The following GRID2 variants were observed in gnomAD, a reference collection of about 807,000 sequenced individuals.
GRID2 encodes the protein glutamate receptor ionotropic, delta-2.
Under a neutral mutation model 114.8 loss-of-function variants are expected in GRID2, and 33 were observed. The observed-to-expected ratio is 0.29, with a 90% confidence interval of 0.22 to 0.38. The LOEUF (loss-of-function observed/expected upper bound fraction) is 0.38, where lower values mean the gene tolerates loss of function less well. Among genes scored for constraint, GRID2 ranks in the 10% least tolerant of loss-of-function variants. The probability of loss-of-function intolerance (pLI) is 1.00; values close to 1 mark genes in which losing one functional copy is unlikely to be tolerated. For missense variants in GRID2, 1,184 were observed against 1,257.7 expected (o/e 0.94, Z 0.89); for synonymous variants, 505 against 449.9 (o/e 1.12, Z -1.55).
At chr4:93,120,723 G>A (rs1019565024) in intron 4 of GRID2, among the ~76,000 whole-genome samples, 10 of 152,146 alleles carry the variant, frequency 6.6e-5, no homozygotes, top group Non-Finnish European at 1.0e-4. Flanking sequence ...GGAGGCTGAG[G>A]CGGGTGGATC....
rs564752123 is a variant in GRID2, at chr4:93,567,654, C to T, written c.2193+52243C>T. ...AAATAAAAGGCACAAATTTAACAGA[C>T]ATATTTTCACTTGCGTTGTGCCAGA... On this transcript the variant is annotated intron_variant, in intron 13 of 15. Coordinates refer to ENST00000282020, the MANE Select transcript of GRID2 (RefSeq NM_001510.4). Among the ~76,000 whole-genome samples the T allele has an allele frequency of 2.9e-4, 44 of 152,248 alleles. 1 individual carries two copies. The highest frequency in any genetic ancestry group is 2.3e-3 in the Admixed American group (35 of 15,284).
At chr4:93,295,686 C>G (rs1754226728) in intron 8 of GRID2, among the ~76,000 whole-genome samples, 1 of 152,088 alleles carries the variant, frequency 6.6e-6, no homozygotes, top group South Asian at 2.1e-4. Context: ...TAAGGCTGTT[C>G]AACTGATTGA....
intron 2 of GRID2, among the ~76,000 whole-genome samples, chr4:92,901,048 T>C (rs566991639): frequency 6.6e-6 from 1 of 152,050 alleles, no homozygotes; most frequent in Non-Finnish European, 1.5e-5. Flanking sequence ...TGAATGCAGG[T>C]ATATTTTATA....
chr4:92,539,357 G>C (rs1159388848), intron 1 of GRID2, among the ~76,000 whole-genome samples: 1 of 151,998 alleles, frequency 6.6e-6, no homozygotes. Flanking sequence ...TGCATTAATG[G>C]TGACAAAAAA....
chr4:92,735,483 G>A (rs1362455718), intron 2 of GRID2, among the ~76,000 whole-genome samples: 1 of 152,092 alleles, frequency 6.6e-6, no homozygotes. Context: ...GACAGCAGGT[G>A]ACTGAAACTG....
intron 1 of GRID2, among the ~76,000 whole-genome samples, chr4:92,460,451 A>T (rs1721441406): frequency 6.6e-6 from 1 of 152,104 alleles, no homozygotes; most frequent in Non-Finnish European, 1.5e-5. Flanking sequence ...TATTTGAATA[A>T]ATGTTCCACA....
intron 8 of GRID2, among the ~76,000 whole-genome samples, chr4:93,292,648 A>T (rs1482863992): frequency 2.0e-5 from 3 of 152,214 alleles, no homozygotes; most frequent in African/African-American, 7.2e-5. Context: ...GTACATAGTG[A>T]GAGGTTTTAA....
chr4:93,405,922 A>G (rs909795375), intron 9 of GRID2, among the ~76,000 whole-genome samples: 1 of 152,204 alleles, frequency 6.6e-6, no homozygotes, highest in South Asian at 2.1e-4. Flanking sequence ...AAAGGAACAC[A>G]TTAGTAGCTA....
chr4:92,894,949 C>T lies in GRID2; in HGVS notation c.245-190046C>T, dbSNP rs914967273. Reference sequence around the variant, plus strand: ...TTAAGATCAGTAAAGATGCACTGTACGGCCATAATTGCTATTTATGGCCAG... The same window carrying T: ...TTAAGATCAGTAAAGATGCACTGTATGGCCATAATTGCTATTTATGGCCAG... On this transcript the variant is annotated intron_variant, in intron 2 of 15. Coordinates refer to ENST00000282020, the MANE Select transcript of GRID2 (RefSeq NM_001510.4). Among the ~76,000 whole-genome samples, 9 of 152,086 alleles carry T rather than the reference C, an allele frequency of 5.9e-5. No individual in the cohort carries two copies. In the South Asian group the frequency reaches 6.2e-4, roughly 11 times the overall value.
At position 93,773,339 on chromosome 4, in the gene GRID2, A is replaced by C. The variant is rs370164763; in HGVS notation, c.*841A>C. On this transcript the variant is annotated 3_prime_UTR_variant, in exon 16 of 16. Transcript: ENST00000282020. The stretch of plus-strand genomic sequence containing the variant: ...AACAAAAGTATTGTATACAGGAACT[A>C]TGTATAGTGCAGGGGTTCTTTTCAG... 1.1e-4 allele frequency: 16 copies of C among 152,254 alleles called. No individual in the cohort carries two copies. In the East Asian group the frequency reaches 2.3e-3, roughly 22 times the overall value. The allele number at this position is 152,254 out of a possible 1,614,324, so 9.4% of individuals were successfully genotyped here. A position where few individuals can be genotyped will look rare whatever the true frequency, so the allele number is the denominator to read the frequency against.
intron 7 of GRID2, among the ~76,000 whole-genome samples, chr4:93,232,106 T>G (rs1746215623): frequency 6.6e-6 from 1 of 152,150 alleles, no homozygotes; most frequent in African/African-American, 2.4e-5. Flanking sequence ...AAAATTGTTT[T>G]GACTGGAAAG....
intron 1 of GRID2, among the ~76,000 whole-genome samples, chr4:92,568,389 T>TG (rs1387341026): frequency 6.6e-6 from 1 of 151,912 alleles, no homozygotes; most frequent in East Asian, 1.9e-4. Context: ...CAAAGAAACT[T>TG]TTACAACAAT....
intron 2 of GRID2, among the ~76,000 whole-genome samples, chr4:92,921,002 G>T (rs888509965): frequency 1.3e-5 from 2 of 151,904 alleles, no homozygotes; most frequent in South Asian, 2.1e-4. Flanking sequence ...ACGTAGATTT[G>T]GTCTTTTCAC....
rs1266886917 is a variant in GRID2, at chr4:93,145,473, T to C, written c.735+34520T>C. Among the ~76,000 whole-genome samples, 6 of 96,626 alleles carry C rather than the reference T, an allele frequency of 6.2e-5. No homozygotes were observed. In the Admixed American group the frequency reaches 6.5e-4, roughly 10 times the overall value. The allele number at this position is 96,626 out of a possible 152,430, so 63.4% of individuals were successfully genotyped here. ...TATTTGTATTTATTTATTTATTTAT[T>C]TTTTTTTGAGACAGTTTCACTCTTG... On this transcript the variant is annotated intron_variant, in intron 4 of 15. Transcript: ENST00000282020.
chr4:93,426,328 C>T lies in GRID2; in HGVS notation c.1545+3360C>T, dbSNP rs1249757526. On this transcript the variant is annotated intron_variant, in intron 10 of 15. Coordinates refer to ENST00000282020, the MANE Select transcript of GRID2 (RefSeq NM_001510.4). ...TTTAAAAGTCACAAATTCAGTGTTC[C>T]ACCTTTATCTTTCTAAGGGCTGTTT... Among the ~76,000 whole-genome samples, 5 of 152,116 alleles carry T rather than the reference C, an allele frequency of 3.3e-5. No individual in the cohort carries two copies. The East Asian group carries it at 5.8e-4, about 18-fold the overall frequency.
At chr4:92,662,084 CAATG>C (rs1420724841) in intron 2 of GRID2, among the ~76,000 whole-genome samples, 4 of 151,024 alleles carry the variant, frequency 2.6e-5, no homozygotes, top group Non-Finnish European at 5.9e-5. Context: ...ACGTAAATCT[CAATG>C]AAGCCCTAAG....
chr4:93,218,662 G>T (rs1488958026), intron 6 of GRID2, among the ~76,000 whole-genome samples: 1 of 152,154 alleles, frequency 6.6e-6, no homozygotes, highest in Non-Finnish European at 1.5e-5. Flanking sequence ...AATAGTCAAA[G>T]TAAATCTTCT....
At chr4:93,787,297 GC>G (rs1734611778) in intron 1 of GRID2, among the ~76,000 whole-genome samples, 1 of 152,062 alleles carries the variant, frequency 6.6e-6, no homozygotes, top group Non-Finnish European at 1.5e-5. Flanking sequence ...AGTCAAGTTA[GC>G]AGGCTTTGTA....
chr4:92,345,490 T>G (rs1727720434), intron 1 of GRID2, among the ~76,000 whole-genome samples: 1 of 152,216 alleles, frequency 6.6e-6, no homozygotes, highest in Admixed American at 6.5e-5. Flanking sequence ...GATAGCTGGA[T>G]GGACTGATAG....
Sources: allele counts gnomAD v4.1 joint callset (sites outside exome capture counted in the v4.1 genomes callset), GRCh38; gene constraint gnomAD v4.1.1; transcripts MANE v1.5; gene names NCBI Gene and HGNC (gene_info 2026-07-23, HGNC 2026-07-21).